The following SLC13A2 variants were observed in gnomAD, a reference collection of about 807,000 sequenced individuals.
SLC13A2 encodes the protein solute carrier family 13 member 2, also known as Na(+)-coupled citrate transporter.
In SLC13A2, 40 loss-of-function variants were observed where a neutral mutation model predicts 58.5. The ratio of observed to expected loss-of-function variants is 0.68; its 90% CI spans 0.53 to 0.89. SLC13A2 has a LOEUF of 0.89. Ranked by LOEUF, SLC13A2 falls within the 40% of genes least tolerant of loss-of-function variation. The pLI, the probability that SLC13A2 is intolerant of heterozygous loss-of-function variation, is 0.00. For synonymous variants in SLC13A2, 341 were observed against 331.6 expected (o/e 1.03, Z -0.31); for missense variants, 694 against 772.6 (o/e 0.90, Z 1.21).
intron 1 of SLC13A2, among the ~76,000 whole-genome samples, chr17:28,485,373 T>C (rs1222989716): frequency 6.6e-6 from 1 of 152,164 alleles, no homozygotes; most frequent in African/African-American, 2.4e-5. Flanking sequence ...TCAGTTGAAC[T>C]TGGCTGGCCT....
In SLC13A2 at chr17:28,490,866, G is replaced by A; in HGVS notation, c.534G>A (p.Glu178=). The A allele has an allele frequency of 1.6e-5, 26 of 1,614,012 alleles. No homozygotes were observed. The highest frequency in any genetic ancestry group is 2.2e-5 in the Non-Finnish European group (26 of 1,179,984). ...AGGGCAGCAACAACCCCACCTTCGA[G>A]CTCCAGGAACCAAGTCCCCAGAAGG... ...VEEGSNNPTF[E]LQEPSPQKEV... is the part of the protein sequence containing the mutation. Residue 178 remains glutamate, a synonymous_variant, in exon 4 of 12, where the codon GAG becomes GAA. Coordinates refer to ENST00000314669, the MANE Select transcript of SLC13A2 (RefSeq NM_003984.4).
intron 9 of SLC13A2, among the ~76,000 whole-genome samples, chr17:28,495,004 C>T (rs1268975544): frequency 1.3e-5 from 2 of 152,172 alleles, no homozygotes; most frequent in African/African-American, 4.8e-5. Context: ...CGTGTTCTGG[C>T]TCAAACAGAA....
intron 6 of SLC13A2, among the ~76,000 whole-genome samples, chr17:28,492,519 C>T (rs1423829462): frequency 6.6e-6 from 1 of 152,196 alleles, no homozygotes; most frequent in Non-Finnish European, 1.5e-5. Flanking sequence ...CAAGACAAGA[C>T]GTGTTCGAGG....
rs146112776 is a variant in SLC13A2 at position 28,480,449 on chromosome 17, G to C, written c.102+6635G>C. On this transcript the variant is annotated intron_variant, in intron 1 of 11. Transcript: ENST00000314669. The stretch of plus-strand genomic sequence containing the variant: ...AACTATACAAGGAATTTGGACCTCT[G>C]TTCTGGGCCCCACCTCTACCTTTTG... Among the ~76,000 whole-genome samples, 270 of 152,290 alleles carry C rather than the reference G, an allele frequency of 1.8e-3. 1 individual carries two copies. The highest frequency in any genetic ancestry group is 3.2e-3 in the Non-Finnish European group (217 of 68,030).
rs148924393 is a variant in SLC13A2, at chr17:28,477,768, G to T, written c.102+3954G>T. Among the ~76,000 whole-genome samples, 683 of 152,156 alleles carry T rather than the reference G, an allele frequency of 4.5e-3. 9 individuals carry two copies. Among genetic ancestry groups the T allele is most frequent in the Non-Finnish European group, 3.7e-3 (254 of 68,010 alleles). ...TATTCCTTTCAAAAGCCTATGTGTCGGGCTGGGCATGGTGGCTCATGCCTG... is the reference window on the plus strand; with the variant it reads ...TATTCCTTTCAAAAGCCTATGTGTCTGGCTGGGCATGGTGGCTCATGCCTG... On this transcript the variant is annotated intron_variant, in intron 1 of 11. Coordinates refer to ENST00000314669, the MANE Select transcript of SLC13A2 (RefSeq NM_003984.4).
chr17:28,485,071 T>C (rs1219166935), intron 1 of SLC13A2, among the ~76,000 whole-genome samples: 2 of 152,196 alleles, frequency 1.3e-5, no homozygotes, highest in African/African-American at 2.4e-5. Context: ...TAAACAGATC[T>C]TGAGAGGAGA....
At position 28,490,287 on chromosome 17, in the gene SLC13A2, T is replaced by G. The variant is rs1454741710; in HGVS notation, c.232-167T>G. ...AGACCCTGTCTCCAAAAAGTTAAAT[T>G]TATTTTTTTTAAATGGCAGATCATT... On this transcript the variant is annotated intron_variant, in intron 2 of 11. Coordinates refer to ENST00000314669, the MANE Select transcript of SLC13A2 (RefSeq NM_003984.4). 2.5e-6 allele frequency: 4 copies of G among 1,575,118 alleles called. No individual in the cohort carries two copies. In the African/African-American group the frequency reaches 4.1e-5, roughly 16 times the overall value.
intron 6 of SLC13A2, 109 bp from the exon 7 acceptor site, chr17:28,493,462 C>A: frequency 1.1e-6 from 1 of 871,400 alleles, no homozygotes; most frequent in Non-Finnish European, 1.7e-6. Flanking sequence ...AGTGTAGTGA[C>A]CCTGAGATGC....
In SLC13A2 at chr17:28,491,795, T is replaced by C. The variant is rs782175078; in HGVS notation, c.821T>C (p.Met274Thr). 2.5e-6 allele frequency: 4 copies of C among 1,614,184 alleles called. No homozygotes were observed. The Admixed American group carries it at 6.7e-5, about 27-fold the overall frequency. ...ASWFSFAFPT[M>T]VILLLLAWLW... Reference sequence around the variant, plus strand: ...TGGTTCAGCTTCGCCTTCCCCACCATGGTCATCTTGCTGCTGCTGGCCTGG... The same window carrying C: ...TGGTTCAGCTTCGCCTTCCCCACCACGGTCATCTTGCTGCTGCTGGCCTGG... Residue 274 changes from methionine to threonine, a missense_variant, in exon 6 of 12, where the codon ATG (methionine) becomes ACG (threonine). Coordinates refer to ENST00000314669, the MANE Select transcript of SLC13A2 (RefSeq NM_003984.4).
rs1320917815 is a variant in SLC13A2, at chr17:28,494,887, CA to C, written c.1308+376del. ...GACGCGGTCTGCCCTCCGCAGCCAC[CA>C]GGGGGCACCATGATCACACCCACCC... is the stretch of plus-strand genomic sequence containing the variant. On this transcript the variant is annotated intron_variant, in intron 9 of 11. Transcript: ENST00000314669. The surrounding 1 kb of genome is among the most constrained non-coding windows in gnomAD (Gnocchi z 4.0). Among the ~76,000 whole-genome samples the C allele has an allele frequency of 7.9e-5, 12 of 152,096 alleles. No homozygotes were observed. The highest frequency in any genetic ancestry group is 1.6e-4 in the Non-Finnish European group (11 of 67,986).
chr17:28,477,447 G>C (rs1555600250), intron 1 of SLC13A2, among the ~76,000 whole-genome samples: 1 of 151,796 alleles, frequency 6.6e-6, no homozygotes, highest in African/African-American at 2.4e-5. Context: ...GCCCGCCTTG[G>C]CCTCCCAAAG....
chr17:28,494,575 G>A lies in SLC13A2; in HGVS notation c.1308+63G>A, dbSNP rs2069103654. 1 of 1,605,038 alleles carries A rather than the reference G, an allele frequency of 6.2e-7. No individual in the cohort carries two copies. Among genetic ancestry groups the A allele is most frequent in the African/African-American group, 1.3e-5 (1 of 74,684 alleles). ...GGTGTCTCTGTGGCAGGGAGAGAGG[G>A]GGCCCTGCTTCTGTCCCACAGAGGG... On this transcript the variant is annotated intron_variant, in intron 9 of 11. Transcript: ENST00000314669. The surrounding 1 kb of genome is among the most constrained non-coding windows in gnomAD (Gnocchi z 4.0).
chr17:28,485,956 G>A (rs990996980), intron 1 of SLC13A2, among the ~76,000 whole-genome samples: 17 of 152,020 alleles, frequency 1.1e-4, no homozygotes, highest in African/African-American at 3.6e-4. Flanking sequence ...ATCACATCAT[G>A]AACTCCAGTC....
intron 2 of SLC13A2, 85 bp from the exon 3 acceptor site, chr17:28,490,369 G>A (rs2068980250): frequency 1.2e-6 from 2 of 1,613,840 alleles, no homozygotes; most frequent in East Asian, 2.2e-5. Flanking sequence ...CTGTGGGAAT[G>A]TCAGTGACTG....
chr17:28,475,501 A>G (rs1373738133), intron 1 of SLC13A2, among the ~76,000 whole-genome samples: 2 of 152,188 alleles, frequency 1.3e-5, no homozygotes, highest in African/African-American at 4.8e-5. Flanking sequence ...TTAAACAAAC[A>G]AGAGCTCTCT....
In SLC13A2 at chr17:28,496,390, A is replaced by G. The variant is rs1438345500; in HGVS notation, c.1471-60A>G. 3.2e-6 allele frequency: 5 copies of G among 1,538,488 alleles called. No homozygotes were observed. The highest frequency in any genetic ancestry group is 1.9e-5 in the Admixed American group (1 of 51,816). On this transcript the variant is annotated intron_variant, in intron 10 of 11. Coordinates refer to ENST00000314669, the MANE Select transcript of SLC13A2 (RefSeq NM_003984.4). The surrounding 1 kb of genome is among the most constrained non-coding windows in gnomAD (Gnocchi z 4.2). The stretch of plus-strand genomic sequence containing the variant: ...CAGAGAAGCAGGAGAATTGGGGGCC[A>G]TGCCCCTCCCTCTGGCTTGGGGACC...
intron 7 of SLC13A2, 58 bp downstream of exon 7, chr17:28,493,847 AG>A (rs1567859027): frequency 6.3e-7 from 1 of 1,589,060 alleles, no homozygotes; most frequent in South Asian, 1.1e-5. Context: ...CTCGGGAAGG[AG>A]GGAAGGGTAT....
At chr17:28,484,406 G>C (rs1247424163) in intron 1 of SLC13A2, among the ~76,000 whole-genome samples, 1 of 152,184 alleles carries the variant, frequency 6.6e-6, no homozygotes, top group Non-Finnish European at 1.5e-5. Flanking sequence ...CAGAGGCCCT[G>C]TGGCCAGAGG....
Position 28,495,637 on chromosome 17 carries a change from ATCC to A in SLC13A2, c.1309-12_1309-10del, listed in dbSNP as rs1364185766. 6.2e-7 allele frequency: 1 copy of A among 1,602,832 alleles called. No individual in the cohort carries two copies. Among genetic ancestry groups the A allele is most frequent in the African/African-American group, 1.3e-5 (1 of 74,992 alleles). On this transcript the variant is annotated splice_polypyrimidine_tract_variant and intron_variant, in intron 9 of 11. Coordinates refer to ENST00000314669, the MANE Select transcript of SLC13A2 (RefSeq NM_003984.4). ...CAGGCAGCCTTGCCTCTCACATGCCATCCTCCTCTGCCCACAGCGATCGGGCCT... is the reference window on the plus strand; with the variant it reads ...CAGGCAGCCTTGCCTCTCACATGCCATCCTCTGCCCACAGCGATCGGGCCT...
Sources: gnomAD v4.1 joint callset for allele counts (sites outside exome capture counted in the v4.1 genomes callset) on GRCh38, gnomAD v4.1.1 for gene constraint, Gnocchi (gnomAD v3.1) non-coding constraint, MANE v1.5 for transcripts, NCBI Gene and HGNC (gene_info 2026-07-23, HGNC 2026-07-21) for gene names.